The following EPHX2 variants were observed in gnomAD, a reference collection of about 807,000 sequenced individuals.
EPHX2 encodes the protein bifunctional epoxide hydrolase 2.
Under a neutral mutation model 78.7 loss-of-function variants are expected in EPHX2, and 74 were observed. The observed-to-expected ratio is 0.94, with a 90% CI of 0.78 to 1.14. The LOEUF (loss-of-function observed/expected upper bound fraction) is 1.14, where lower values mean the gene tolerates loss of function less well. Among genes scored for constraint, EPHX2 ranks in the 50% most tolerant of loss-of-function variants. The pLI, the probability that EPHX2 is intolerant of heterozygous loss-of-function variation, is 0.00. For missense variants in EPHX2, 715 were observed against 702.5 expected, an observed-to-expected ratio of 1.02 and a Z score of -0.20; for synonymous variants, 251 against 255.2, an observed-to-expected ratio of 0.98 and a Z score of 0.16.
chr8:27,530,817 G>A (rs1815013940), intron 12 of EPHX2, among the ~76,000 whole-genome samples: 1 of 145,106 alleles, frequency 6.9e-6, no homozygotes, highest in South Asian at 2.2e-4. Context: ...AGGCTGGAGT[G>A]CAATGGCATG....
At chr8:27,531,323 A>G (rs1815034415) in intron 12 of EPHX2, among the ~76,000 whole-genome samples, 1 of 152,196 alleles carries the variant, frequency 6.6e-6, no homozygotes, top group Non-Finnish European at 1.5e-5. Flanking sequence ...AGCATGTGGC[A>G]GGCGGCCCCC....
intron 6 of EPHX2, among the ~76,000 whole-genome samples, chr8:27,514,948 T>G (rs899269555): frequency 6.6e-6 from 1 of 152,106 alleles, no homozygotes; most frequent in Non-Finnish European, 1.5e-5. Flanking sequence ...TTGAACAGAT[T>G]TCATATTTAA....
intron 16 of EPHX2, among the ~76,000 whole-genome samples, chr8:27,542,941 C>T (rs942797023): frequency 2.6e-5 from 4 of 152,046 alleles, no homozygotes; most frequent in South Asian, 2.1e-4. Context: ...TGCACCCAGC[C>T]TCTCTTCTGC....
intron 10 of EPHX2, 105 bp from the exon 11 acceptor site, chr8:27,522,318 G>A (rs891866405): frequency 2.8e-5 from 28 of 1,005,676 alleles, no homozygotes; most frequent in African/African-American, 9.6e-5. Context: ...GCTGTGGGTC[G>A]GGGGAGGAGA....
At chr8:27,506,791 A>C (rs550271228) in intron 4 of EPHX2, 81 bp from the exon 5 acceptor site, 1 of 1,537,796 alleles carries the variant, frequency 6.5e-7, no homozygotes, top group Non-Finnish European at 8.8e-7. Flanking sequence ...AAGAGTTTTT[A>C]ATCTCCTCAT....
intron 18 of EPHX2, 70 bp from the exon 19 acceptor site, chr8:27,544,374 C>T (rs1372028806): frequency 1.7e-5 from 27 of 1,598,548 alleles, no homozygotes; most frequent in African/African-American, 2.7e-5. Context: ...CCTCTGCCTT[C>T]GAGTTGGCTG....
intron 12 of EPHX2, among the ~76,000 whole-genome samples, chr8:27,532,555 G>A (rs551634759): frequency 6.6e-6 from 1 of 152,112 alleles, no homozygotes; most frequent in Admixed American, 6.5e-5. Flanking sequence ...GGCAGGGTTG[G>A]TCCCTTCTGG....
downstream of EPHX2, among the ~76,000 whole-genome samples, chr8:27,548,618 A>G (rs975275515): frequency 6.6e-6 from 1 of 152,198 alleles, no homozygotes; most frequent in African/African-American, 2.4e-5. Context: ...TGGAGAGTAT[A>G]TGCACAAATG....
intron 1 of EPHX2, among the ~76,000 whole-genome samples, chr8:27,492,456 G>T (rs561008820): frequency 1.3e-5 from 2 of 152,316 alleles, no homozygotes; most frequent in Admixed American, 6.5e-5. Flanking sequence ...CTATAGTTGT[G>T]TCCAGAGTTG....
At position 27,506,974 on chromosome 8, in the gene EPHX2, G is replaced by C. The variant is rs1334454964; in HGVS notation, c.640G>C (p.Glu214Gln). The stretch of plus-strand genomic sequence containing the variant: ...CACTGACACGGCCCTGAAAGAACTG[G>C]AGAAAGTGACCGGAATCCAGGTAAC... ...QDTDTALKEL[E>Q]KVTGIQLLNT... The change falls in exon 5 of 19, where the codon GAG becomes CAG. Residue 214 changes from glutamate to glutamine, a missense_variant. Transcript: ENST00000521400. The C allele has an allele frequency of 1.9e-6, 3 of 1,613,910 alleles. No individual in the cohort carries two copies. Among genetic ancestry groups the C allele is most frequent in the Non-Finnish European group, 1.7e-6 (2 of 1,180,038 alleles).
At chr8:27,521,867 A>G (rs1017720391) in intron 10 of EPHX2, among the ~76,000 whole-genome samples, 1 of 152,144 alleles carries the variant, frequency 6.6e-6, no homozygotes, top group Non-Finnish European at 1.5e-5. Flanking sequence ...TTGTGTGACA[A>G]AACCACCTGA....
intron 2 of EPHX2, among the ~76,000 whole-genome samples, chr8:27,501,382 T>TTCTTCTTCTTCTTCTTCTTCC (rs1563340362): frequency 8.7e-6 from 1 of 114,460 alleles, no homozygotes; most frequent in Non-Finnish European, 1.8e-5. Context: ...CTTCTTCTTC[T>TTCTTCTTCTTCTTCTTCTTCC]TCTTCTTCTT....
chr8:27,522,616 T>G, intron 11 of EPHX2, 108 bp downstream of exon 11: 1 of 1,104,638 alleles, frequency 9.1e-7, no homozygotes. Context: ...AACAAGTAGG[T>G]AGTCTGGGAA....
intron 12 of EPHX2, among the ~76,000 whole-genome samples, chr8:27,535,460 C>G (rs1387154257): frequency 6.6e-6 from 1 of 152,162 alleles, no homozygotes; most frequent in Non-Finnish European, 1.5e-5. Context: ...CAGCGTGAAC[C>G]ACTGCACCCG....
intron 6 of EPHX2, 195 bp downstream of exon 6, chr8:27,512,105 A>G: frequency 3.2e-5 from 16 of 503,002 alleles, no homozygotes; most frequent in Non-Finnish European, 5.3e-5. Context: ...CTCAAGAAAA[A>G]AAAAAAAAAA....
At chr8:27,495,071 GGCAGTGTAAGACTGCCACCTC>G (rs1813525116) in intron 1 of EPHX2, among the ~76,000 whole-genome samples, 1 of 152,190 alleles carries the variant, frequency 6.6e-6, no homozygotes, top group Non-Finnish European at 1.5e-5. Context: ...TGATGGCTTT[GGCAGTGTAAGACTGCCACCTC>G]TTTGGGTTTT....
chr8:27,494,615 T>C (rs1278701784), intron 1 of EPHX2, among the ~76,000 whole-genome samples: 6 of 152,226 alleles, frequency 3.9e-5, no homozygotes, highest in African/African-American at 7.2e-5. Context: ...TTCTCCTAGA[T>C]AGTGCCCTAT....
chr8:27,518,173 A>C (rs1019931215), intron 9 of EPHX2, 101 bp downstream of exon 9: 19 of 949,836 alleles, frequency 2.0e-5, no homozygotes, highest in Non-Finnish European at 2.9e-5. Context: ...GCATCATTTC[A>C]CAGCCTCTGG....
At chr8:27,535,364 G>A (rs949362986) in intron 12 of EPHX2, among the ~76,000 whole-genome samples, 18 of 151,946 alleles carry the variant, frequency 1.2e-4, no homozygotes, top group African/African-American at 4.1e-4. Flanking sequence ...TGGTAGAGAC[G>A]GGGTTTTACC....
Sources: gnomAD v4.1 joint callset for allele counts (sites outside exome capture counted in the v4.1 genomes callset) on GRCh38, gnomAD v4.1.1 for gene constraint, MANE v1.5 for transcripts, NCBI Gene and HGNC (gene_info 2026-07-23, HGNC 2026-07-21) for gene names.